The following ASB14 variants were observed in gnomAD, a reference collection of about 807,000 sequenced individuals.
The protein encoded by ASB14 is ankyrin repeat and SOCS box protein 14.
Under a neutral mutation model 55.6 loss-of-function variants are expected in ASB14, and 63 were observed. That is an observed-to-expected ratio of 1.13 (90% CI 0.92 to 1.40). ASB14 has a LOEUF of 1.40. ASB14 is among the 40% of genes most tolerant of loss of function. The probability of loss-of-function intolerance (pLI) is 0.00; values close to 1 mark genes in which losing one functional copy is unlikely to be tolerated. For synonymous variants in ASB14, 256 were observed against 259.9 expected (o/e 0.98, Z 0.15); for missense variants, 724 against 710.4 (o/e 1.02, Z -0.22).
intron 2 of ASB14, among the ~76,000 whole-genome samples, 182 bp from the exon 3 acceptor site, chr3:57,289,305 A>G (rs915412520): frequency 2.0e-5 from 3 of 152,166 alleles, no homozygotes; most frequent in Non-Finnish European, 4.4e-5. Flanking sequence ...GCCCTTAACA[A>G]AATTCTAGGG....
At chr3:57,284,980 C>G (rs1020628652) in intron 5 of ASB14, among the ~76,000 whole-genome samples, 20 of 140,028 alleles carry the variant, frequency 1.4e-4, no homozygotes, top group African/African-American at 5.1e-4. Context: ...TGCTCTGTCA[C>G]CCAGGCTGGA....
chr3:57,283,004 T>C (rs1038857606), intron 6 of ASB14, among the ~76,000 whole-genome samples, 190 bp downstream of exon 6: 1 of 152,238 alleles, frequency 6.6e-6, no homozygotes, highest in African/African-American at 2.4e-5. Context: ...AGGGAAATTA[T>C]GTCAGACCTA....
chr3:57,288,084 CAAATT>C, intron 4 of ASB14, 25 bp from the exon 5 acceptor site: 5 of 1,535,970 alleles, frequency 3.3e-6, no homozygotes, highest in Non-Finnish European at 4.4e-6. Context: ...TCATACCACA[CAAATT>C]AAGATATAGA....
intron 3 of ASB14, 157 bp downstream of exon 3, chr3:57,288,911 T>G (rs1006048443): frequency 4.0e-6 from 2 of 494,210 alleles, no homozygotes; most frequent in African/African-American, 2.0e-5. Flanking sequence ...AGACAGGGGG[T>G]TTCACCATGT....
At chr3:57,289,615 ATTT>A (rs576036569) in intron 2 of ASB14, among the ~76,000 whole-genome samples, 107 of 151,578 alleles carry the variant, frequency 7.1e-4, no homozygotes, top group African/African-American at 2.4e-3. Flanking sequence ...TGTTTTTATT[ATTT>A]AAGGCTTTAA....
rs1350742791 is a variant in ASB14, at chr3:57,288,051, G to C, written c.319C>G (p.Pro107Ala). 1 of 1,536,994 alleles carries C rather than the reference G, an allele frequency of 6.5e-7. No individual in the cohort carries two copies. Residue 107 changes from proline to alanine, a missense_variant, in exon 5 of 11, where the codon CCC (proline) becomes GCC (alanine). Pro to Ala is a conservative substitution (Grantham distance 27). Coordinates refer to ENST00000487349, the MANE Select transcript of ASB14 (RefSeq NM_001142733.3). Reference protein sequence around the residue: ...ILEITLSASDPSLWEQTTHNG... With the variant: ...ILEITLSASDASLWEQTTHNG... ...TGAGTGGTTTGCTCCCACAGACTGGGGTCTGAAGCTGAAATAAATTCATCA... is the reference window on the plus strand; with the variant it reads ...TGAGTGGTTTGCTCCCACAGACTGGCGTCTGAAGCTGAAATAAATTCATCA...
rs1312006267 is a variant in ASB14 at position 57,291,911 on chromosome 3, C to T, written c.122+1G>A. The T allele has an allele frequency of 1.3e-6, 2 of 1,530,386 alleles. No homozygotes were observed. The highest frequency in any genetic ancestry group is 1.4e-5 in the African/African-American group (1 of 72,974). The allele number at this position is 1,530,386 out of a possible 1,614,324, so 94.8% of individuals were successfully genotyped here. On this transcript the variant is annotated splice_donor_variant, in intron 2 of 10. Transcript: ENST00000487349. LOFTEE classifies it high-confidence loss of function. The stretch of plus-strand genomic sequence containing the variant: ...TATATTGCCGATGAGAAAACCATTA[C>T]CTCTCATCCTTAGGTGCATGTTGTG...
At chr3:57,291,409 C>T (rs942336275) in intron 2 of ASB14, among the ~76,000 whole-genome samples, 1 of 151,946 alleles carries the variant, frequency 6.6e-6, no homozygotes, top group Non-Finnish European at 1.5e-5. Flanking sequence ...CACAGGGTCC[C>T]ACTGGTCCTT....
intron 6 of ASB14, among the ~76,000 whole-genome samples, chr3:57,281,788 T>C (rs1340833379): frequency 6.6e-6 from 1 of 152,212 alleles, no homozygotes; most frequent in East Asian, 1.9e-4. Context: ...TATACAGTTA[T>C]TCTAGACCCA....
At chr3:57,283,475 G>A (rs1169075916) in intron 5 of ASB14, 36 bp from the exon 6 acceptor site, 4 of 1,539,868 alleles carry the variant, frequency 2.6e-6, no homozygotes, top group Non-Finnish European at 3.5e-6. Context: ...ATGTTCAACG[G>A]GAAGTTAAGC....
chr3:57,276,101 TCTTGA>T (rs2060983880), intron 10 of ASB14, among the ~76,000 whole-genome samples: 1 of 152,166 alleles, frequency 6.6e-6, no homozygotes, highest in South Asian at 2.1e-4. Flanking sequence ...CAGTGAGTTA[TCTTGA>T]CTTGTCAGAA....
chr3:57,292,542 G>C (rs151140816), intron 1 of ASB14, 91 bp downstream of exon 1: 2 of 152,688 alleles, frequency 1.3e-5, no homozygotes, highest in East Asian at 3.8e-4. Context: ...AAAAACAAAT[G>C]TATCTTACTA....
intron 10 of ASB14, chr3:57,271,186 C>G (rs189683917): frequency 4.6e-5 from 7 of 151,808 alleles, no homozygotes; most frequent in African/African-American, 1.7e-4. Flanking sequence ...TTAGAAATGG[C>G]ATCTGTTTTA....
intron 6 of ASB14, 124 bp from the exon 7 acceptor site, chr3:57,280,597 A>G (rs1240935234): frequency 2.7e-6 from 2 of 738,250 alleles, no homozygotes; most frequent in Non-Finnish European, 4.1e-6. Context: ...CAAAGCACCA[A>G]GAATCAAAGT....
chr3:57,283,691 CA>C (rs2061056413), intron 5 of ASB14, among the ~76,000 whole-genome samples: 1 of 151,994 alleles, frequency 6.6e-6, no homozygotes, highest in Non-Finnish European at 1.5e-5. Flanking sequence ...GGTTGAAACA[CA>C]AATGTAAACT....
intron 6 of ASB14, among the ~76,000 whole-genome samples, chr3:57,282,340 A>G (rs2061046740): frequency 6.6e-6 from 1 of 152,184 alleles, no homozygotes; most frequent in Non-Finnish European, 1.5e-5. Context: ...AATAAAGATA[A>G]TTCTATTATT....
intron 10 of ASB14, chr3:57,270,335 C>T (rs545945188): frequency 6.5e-6 from 1 of 152,736 alleles, no homozygotes; most frequent in South Asian, 2.1e-4. Context: ...GCTTAAGTGT[C>T]TTCAGTTCAA....
At chr3:57,280,566 A>G (rs62251997) in intron 6 of ASB14, 93 bp from the exon 7 acceptor site, 278,691 of 1,137,014 alleles carry the variant, frequency 0.25, 37,030 homozygotes, top group Middle Eastern at 0.3. Flanking sequence ...CCAAAAAGCA[A>G]TTAGTGAGCA....
In ASB14 at chr3:57,268,524, T is replaced by C. The variant is rs2060911188; in HGVS notation, c.*1117A>G. On this transcript the variant is annotated 3_prime_UTR_variant, in exon 11 of 11. Coordinates refer to ENST00000487349, the MANE Select transcript of ASB14 (RefSeq NM_001142733.3). Reference sequence around the variant, plus strand: ...TAATGTCTGGATCTTTATGTGTTGTTTGTGAAGACTTAATTCAGCACTATG... The same window carrying C: ...TAATGTCTGGATCTTTATGTGTTGTCTGTGAAGACTTAATTCAGCACTATG... 2.6e-6 allele frequency: 4 copies of C among 1,544,326 alleles called. No homozygotes were observed. The East Asian group carries it at 6.8e-5, about 26-fold the overall frequency.
Sources: gnomAD v4.1 joint callset for allele counts (sites outside exome capture counted in the v4.1 genomes callset) on GRCh38, gnomAD v4.1.1 for gene constraint, MANE v1.5 for transcripts, NCBI Gene and HGNC (gene_info 2026-07-23, HGNC 2026-07-21) for gene names.